Variants in TSC1 observed in about 807,000 individuals in gnomAD.
TSC1 encodes the protein hamartin.
A neutral mutation model predicts 124.3 loss-of-function variants in TSC1; 20 were observed. That is an observed-to-expected ratio of 0.16 (90% CI 0.11 to 0.23). TSC1 has a LOEUF of 0.23. TSC1 is among the 10% of genes least tolerant of loss of function. The pLI is 1.00. For synonymous variants in TSC1, 493 were observed against 539.1 expected (o/e 0.91, Z 1.19); for missense variants, 1,124 against 1,448.5 (o/e 0.78, Z 3.64).
intron 8 of TSC1, among the ~76,000 whole-genome samples, chr9:132,919,836 T>C (rs1183968317): frequency 6.6e-6 from 1 of 152,224 alleles, no homozygotes; most frequent in Non-Finnish European, 1.5e-5. Flanking sequence ...GCACTATCTT[T>C]TTAATGAGGG....
At chr9:132,930,585 C>A in intron 2 of TSC1, among the ~76,000 whole-genome samples, 1 of 58,292 alleles carries the variant, frequency 1.7e-5, no homozygotes, top group African/African-American at 7.9e-5. Context: ...AAGACTCTGC[C>A]TCAAAAAAAA....
intron 20 of TSC1, 112 bp downstream of exon 20, chr9:132,900,603 C>G (rs749925473): frequency 3.2e-6 from 5 of 1,572,906 alleles, no homozygotes; most frequent in Non-Finnish European, 4.4e-6. Context: ...GACTGCCGCT[C>G]CGTCTTTTAG....
intron 3 of TSC1, 147 bp from the exon 4 acceptor site, chr9:132,927,451 T>C (rs562095395): frequency 8.1e-6 from 6 of 737,130 alleles, no homozygotes; most frequent in African/African-American, 7.0e-5. Flanking sequence ...GCCTTCTTAA[T>C]TTAATAATAA....
intron 11 of TSC1, 26 bp from the exon 12 acceptor site, chr9:132,910,718 T>A (rs1845910095): frequency 1.2e-6 from 2 of 1,612,668 alleles, no homozygotes; most frequent in East Asian, 4.5e-5. Context: ...AGAACATATA[T>A]GAACACTGAG....
At position 132,932,296 on chromosome 9, in the gene TSC1, T is replaced by A. The variant is rs185638190; in HGVS notation, c.-81+2737A>T. Among the ~76,000 whole-genome samples the A allele has an allele frequency of 2.2e-3, 336 of 152,290 alleles. 1 individual carries two copies. Among genetic ancestry groups the A allele is most frequent in the Non-Finnish European group, 3.6e-3 (248 of 68,018 alleles). The stretch of plus-strand genomic sequence containing the variant: ...TGGATCTCAGTAAAAGGCACTACCA[T>A]CAGTCTAAAGCAAACACCCAGGTGA... On this transcript the variant is annotated intron_variant, in intron 2 of 22. Transcript: ENST00000298552.
At chr9:132,933,770 C>T (rs1321613616) in intron 2 of TSC1, among the ~76,000 whole-genome samples, 3 of 152,136 alleles carry the variant, frequency 2.0e-5, no homozygotes, top group East Asian at 1.9e-4. Context: ...CAATTACTAT[C>T]GTGAAAAATG....
chr9:132,922,348 C>T (rs1015610211), intron 6 of TSC1, among the ~76,000 whole-genome samples: 1 of 151,924 alleles, frequency 6.6e-6, no homozygotes, highest in Non-Finnish European at 1.5e-5. Context: ...TTTCCATTGC[C>T]GAATTCAGTA....
chr9:132,908,319 A>G (rs1845772473), intron 12 of TSC1, among the ~76,000 whole-genome samples: 1 of 152,228 alleles, frequency 6.6e-6, no homozygotes, highest in Non-Finnish European at 1.5e-5. Flanking sequence ...TCTTTAATAT[A>G]TGGCTTCATG....
chr9:132,915,253 G>A (rs1159865611), intron 8 of TSC1, among the ~76,000 whole-genome samples: 1 of 152,026 alleles, frequency 6.6e-6, no homozygotes, highest in Non-Finnish European at 1.5e-5. Flanking sequence ...GCTGAAGCAG[G>A]AGGATCACTT....
chr9:132,931,380 G>T (rs545341951), intron 2 of TSC1: 2 of 152,064 alleles, frequency 1.3e-5, no homozygotes, highest in Admixed American at 1.3e-4. Context: ...GGGCTAATCA[G>T]CTTGGGCCAC....
At chr9:132,944,719 G>A, upstream of TSC1, 1 of 398,270 alleles carries the variant, frequency 2.5e-6, no homozygotes, top group Non-Finnish European at 4.4e-6. Context: ...AAGGATAGAC[G>A]GCCGCGCTCG....
chr9:132,906,756 AT>A lies in TSC1; in HGVS notation c.1412del (p.Asp471ValfsTer61), dbSNP rs2131863156. The A allele has an allele frequency of 6.2e-7, 1 of 1,614,006 alleles. No homozygotes were observed. The highest frequency in any genetic ancestry group is 8.5e-7 in the Non-Finnish European group (1 of 1,179,978). On this transcript the variant is annotated frameshift_variant, in exon 14 of 23. Transcript: ENST00000298552. LOFTEE classifies it high-confidence loss of function. This position sits in a 1 kb window ranked among gnomAD's most constrained non-coding sequence, Gnocchi z 4.1. ...CTTCTTCTTTATCTTTTTCAATACT[AT>A]CTTCTTCAGAGGCCAGATCACCTAA... ...GFLGDLASEE[D>X]SIEKDKEEAA...
chr9:132,925,677 C>T lies in TSC1; in HGVS notation c.273G>A (p.Ser91=), dbSNP rs115097221. The part of the protein sequence containing the change: ...GKAATRLSIL[S]LLGHVIRLQP... ...GCAGTCTTATGACATGACCCAGTAACGAGAGGATGGATAAACGAGTGGCGG... is the reference window on the plus strand; with the variant it reads ...GCAGTCTTATGACATGACCCAGTAATGAGAGGATGGATAAACGAGTGGCGG... Residue 91 remains serine, a synonymous_variant, in exon 5 of 23, where the codon TCG becomes TCA. Coordinates refer to ENST00000298552, the MANE Select transcript of TSC1 (RefSeq NM_000368.5). The T allele has an allele frequency of 2.0e-4, 330 of 1,614,154 alleles. 1 individual carries two copies. The African/African-American group carries it at 3.3e-3, about 16-fold the overall frequency.
At chr9:132,931,773 T>A (rs1443819008) in intron 2 of TSC1, among the ~76,000 whole-genome samples, 8 of 152,140 alleles carry the variant, frequency 5.3e-5, no homozygotes, top group South Asian at 2.1e-4. Context: ...TAAAACAGAT[T>A]TAGCCAGTGC....
At chr9:132,929,101 T>C in intron 2 of TSC1, 149 bp from the exon 3 acceptor site, 1 of 630,512 alleles carries the variant, frequency 1.6e-6, no homozygotes, top group Non-Finnish European at 2.6e-6. Flanking sequence ...TACATTTAGC[T>C]GATAAAAGAA....
Position 132,891,439 on chromosome 9 carries a change from CT to C in TSC1, c.*4795del, listed in dbSNP as rs879705114. 4.3e-6 allele frequency: 1 copy of C among 233,406 alleles called. No homozygotes were observed. Among genetic ancestry groups the C allele is most frequent in the Non-Finnish European group, 8.5e-6 (1 of 117,952 alleles). 14.5% of individuals were successfully genotyped at this position (233,406 alleles called of 1,614,324 possible). On this transcript the variant is annotated 3_prime_UTR_variant, in exon 23 of 23. Coordinates refer to ENST00000298552, the MANE Select transcript of TSC1 (RefSeq NM_000368.5). ...AACATTCTAAGAAGGACAGCAAACTCTTTTGATTCCAATTCCCATTCACTAA... is the reference window on the plus strand; with the variant it reads ...AACATTCTAAGAAGGACAGCAAACTCTTTGATTCCAATTCCCATTCACTAA...
In TSC1 at chr9:132,895,223, G is replaced by T. The variant is rs1037599510; in HGVS notation, c.*1012C>A. 4.3e-6 allele frequency: 1 copy of T among 233,138 alleles called. No individual in the cohort carries two copies. Among genetic ancestry groups the T allele is most frequent in the Non-Finnish European group, 8.5e-6 (1 of 117,784 alleles). The allele number at this position is 233,138 out of a possible 1,614,324, so 14.4% of individuals were successfully genotyped here. On this transcript the variant is annotated 3_prime_UTR_variant, in exon 23 of 23. Coordinates refer to ENST00000298552, the MANE Select transcript of TSC1 (RefSeq NM_000368.5). The stretch of plus-strand genomic sequence containing the variant: ...GGGAAATGATGGTCACATACACTTT[G>T]CAGAAACTCTTTGGACCTTCAGAGC...
At chr9:132,913,891 GTTTTTTTTTTTTT>G (rs775823272) in intron 8 of TSC1, among the ~76,000 whole-genome samples, 2 of 58,372 alleles carry the variant, frequency 3.4e-5, no homozygotes, top group Non-Finnish European at 5.9e-5. Context: ...GTTTTGTTTT[GTTTTTTTTTTTTT>G]TTTTTTTTTT....
intron 1 of TSC1, chr9:132,941,073 G>C (rs887575201): frequency 6.6e-6 from 1 of 152,136 alleles, no homozygotes; most frequent in African/African-American, 2.4e-5. Context: ...ATTTACTTAA[G>C]AGAGTGACCT....
Sources: allele counts gnomAD v4.1 joint callset (sites outside exome capture counted in the v4.1 genomes callset), GRCh38; gene constraint gnomAD v4.1.1; non-coding constraint Gnocchi (gnomAD v3.1); transcripts MANE v1.5; gene names NCBI Gene and HGNC (gene_info 2026-07-23, HGNC 2026-07-21).